Variants in LRP2 observed in about 807,000 individuals in gnomAD.
LRP2 encodes low-density lipoprotein receptor-related protein 2.
In LRP2, 172 loss-of-function variants were observed where a neutral mutation model predicts 531.0. The observed-to-expected ratio is 0.32, with a 90% CI of 0.29 to 0.37. The LOEUF is 0.37. Ranked by LOEUF, LRP2 falls within the 10% of genes least tolerant of loss-of-function variation. The pLI is 1.00. For missense variants in LRP2, 5,167 were observed against 5,868.3 expected, an observed-to-expected ratio of 0.88 and a Z score of 3.90; for synonymous variants, 1,992 against 2,027.6, an observed-to-expected ratio of 0.98 and a Z score of 0.47.
intron 36 of LRP2, among the ~76,000 whole-genome samples, 183 bp from the exon 37 acceptor site, chr2:169,212,390 G>A (rs918887965): frequency 1.3e-5 from 2 of 152,072 alleles, no homozygotes; most frequent in African/African-American, 4.8e-5. Flanking sequence ...ACACCTAAAG[G>A]TATGAAACCA....
At chr2:169,172,910 A>T (rs1274752619) in intron 57 of LRP2, among the ~76,000 whole-genome samples, 186 bp downstream of exon 57, 1 of 152,248 alleles carries the variant, frequency 6.6e-6, no homozygotes, top group Non-Finnish European at 1.5e-5. Context: ...CAAATTAAAT[A>T]CCCCTGGTAA....
In LRP2 at chr2:169,147,107, ATGGGGAGC is replaced by A; in HGVS notation, c.12591-156_12591-149del. The stretch of plus-strand genomic sequence containing the variant: ...ACACCAGTTTTATATTTTACAGAAG[ATGGGGAGC>A]AAAAATAGGGGCGCAAGAGCACATA... On this transcript the variant is annotated intron_variant, in intron 68 of 78. Coordinates refer to ENST00000649046, the MANE Select transcript of LRP2 (RefSeq NM_004525.3). 4 of 694,092 alleles carry A rather than the reference ATGGGGAGC, an allele frequency of 5.8e-6. No individual in the cohort carries two copies. In the Admixed American group the frequency reaches 6.7e-5, roughly 12 times the overall value. The allele number at this position is 694,092 out of a possible 1,614,324, so 43.0% of individuals were successfully genotyped here.
intron 38 of LRP2, among the ~76,000 whole-genome samples, chr2:169,207,481 T>A (rs1688438558): frequency 6.6e-6 from 1 of 152,244 alleles, no homozygotes; most frequent in Non-Finnish European, 1.5e-5. Flanking sequence ...CTTCAGCTTC[T>A]AAAGTAGATT....
chr2:169,160,196 T>C (rs1482950241), intron 63 of LRP2, among the ~76,000 whole-genome samples: 1 of 152,210 alleles, frequency 6.6e-6, no homozygotes, highest in Non-Finnish European at 1.5e-5. Flanking sequence ...CTTTCCTTTA[T>C]ACCTGAATGG....
chr2:169,275,070 T>G lies in LRP2; in HGVS notation c.1941A>C (p.Gly647=), dbSNP rs935959248. The G allele has an allele frequency of 6.2e-7, 1 of 1,613,480 alleles. No individual in the cohort carries two copies. Among genetic ancestry groups the G allele is most frequent in the Non-Finnish European group, 8.5e-7 (1 of 1,179,768 alleles). The change falls in exon 14 of 79, where the codon GGA becomes GGC. Residue 647 remains glycine, a synonymous_variant. Transcript: ENST00000649046. The part of the protein sequence containing the change: ...VYYQASLRPY[G]VTVYHSLRQP... ...GTCTGAGGGAATGGTAAACAGTCAC[T>G]CCATAGGGCCTCAGGGAAGCCTGGT...
At chr2:169,311,718 G>C (rs1025123346) in intron 3 of LRP2, among the ~76,000 whole-genome samples, 1 of 152,148 alleles carries the variant, frequency 6.6e-6, no homozygotes, top group Admixed American at 6.5e-5. Context: ...TATTAGGTCT[G>C]CTTGGTGCAG....
At chr2:169,352,100 G>A (rs1208804817) in intron 1 of LRP2, among the ~76,000 whole-genome samples, 1 of 152,140 alleles carries the variant, frequency 6.6e-6, no homozygotes, top group Non-Finnish European at 1.5e-5. Flanking sequence ...AGAAGCCAGT[G>A]GGCTGTGTCA....
chr2:169,256,132 T>C lies in LRP2; in HGVS notation c.2744A>G (p.His915Arg). 1 of 1,613,080 alleles carries C rather than the reference T, an allele frequency of 6.2e-7. No individual in the cohort carries two copies. Among genetic ancestry groups the C allele is most frequent in the Non-Finnish European group, 8.5e-7 (1 of 1,179,266 alleles). The change falls in exon 19 of 79, where the codon CAT becomes CGT. Residue 915 changes from histidine (H) to arginine (R), a missense_variant. Physicochemically the swap from His to Arg is conservative, Grantham distance 29 (BLOSUM62 0). This residue lies in a region of LRP2 where 2,811 missense variants were observed against 3,058.0 expected (regional missense o/e 0.92). Transcript: ENST00000649046. ...RRLGHIEQMT[H>R]PFGLAIFGEH... ...TCCAAAGATGGCAAGTCCAAACGGA[T>C]GTGTCATCTGCTCTATATGGCCCAG...
intron 76 of LRP2, among the ~76,000 whole-genome samples, chr2:169,136,385 G>T (rs1685510708): frequency 6.6e-6 from 1 of 151,346 alleles, no homozygotes. Context: ...AATATAAGAA[G>T]GCAGGAATGT....
chr2:169,228,018 G>T (rs922265209), intron 31 of LRP2, among the ~76,000 whole-genome samples: 2 of 152,084 alleles, frequency 1.3e-5, no homozygotes, highest in Non-Finnish European at 2.9e-5. Flanking sequence ...AACTGCAATT[G>T]CAATAAAAAT....
At chr2:169,308,049 A>G (rs1187978972) in intron 3 of LRP2, among the ~76,000 whole-genome samples, 1 of 152,146 alleles carries the variant, frequency 6.6e-6, no homozygotes, top group African/African-American at 2.4e-5. Context: ...TGTAAATCTG[A>G]GGCAGGAATT....
In LRP2 at chr2:169,175,933, C is replaced by T. The variant is rs549139057; in HGVS notation, c.10571+478G>A. Reference sequence around the variant, plus strand: ...TCAGGTCCCCTAGTTATCAATGGGCCTGTGGACATTGTTAAGAAAATAATC... The same window carrying T: ...TCAGGTCCCCTAGTTATCAATGGGCTTGTGGACATTGTTAAGAAAATAATC... On this transcript the variant is annotated intron_variant, in intron 54 of 78. Coordinates refer to ENST00000649046, the MANE Select transcript of LRP2 (RefSeq NM_004525.3). Among the ~76,000 whole-genome samples the T allele has an allele frequency of 9.2e-5, 14 of 152,262 alleles. 1 individual carries two copies. Among genetic ancestry groups the T allele is most frequent in the African/African-American group, 3.4e-4 (14 of 41,542 alleles).
intron 25 of LRP2, chr2:169,240,619 A>G (rs1324790624): frequency 2.4e-6 from 1 of 420,454 alleles, no homozygotes. Flanking sequence ...AAATCCCTGG[A>G]CTTCATTTTT....
At chr2:169,305,859 G>C (rs1294579899) in intron 4 of LRP2, among the ~76,000 whole-genome samples, 1 of 151,966 alleles carries the variant, frequency 6.6e-6, no homozygotes, top group Non-Finnish European at 1.5e-5. Flanking sequence ...ACTTAACATT[G>C]TGTTCCAATT....
intron 51 of LRP2, among the ~76,000 whole-genome samples, chr2:169,181,947 G>A (rs1687453236): frequency 6.6e-6 from 1 of 152,154 alleles, no homozygotes; most frequent in African/African-American, 2.4e-5. Context: ...CTTGAAAAGT[G>A]CAAAAGTGTG....
chr2:169,327,270 GTCAGCCCCCCGCCC>G (rs1685105874), intron 1 of LRP2, among the ~76,000 whole-genome samples: 1 of 109,722 alleles, frequency 9.1e-6, no homozygotes, highest in South Asian at 3.3e-4. Flanking sequence ...AGGTGGGGGG[GTCAGCCCCCCGCCC>G]GGCCAGCCGC....
intron 69 of LRP2, 34 bp from the exon 70 acceptor site, chr2:169,145,957 G>T (rs764040197): frequency 3.1e-6 from 5 of 1,608,556 alleles, no homozygotes; most frequent in Admixed American, 3.3e-5. Context: ...AAAACAGAAG[G>T]TTATTGAAAA....
intron 1 of LRP2, among the ~76,000 whole-genome samples, chr2:169,336,165 T>A (rs1293946357): frequency 6.6e-6 from 1 of 152,100 alleles, no homozygotes; most frequent in Non-Finnish European, 1.5e-5. Context: ...AAAGAAAAAC[T>A]TTATTATCTT....
intron 16 of LRP2, among the ~76,000 whole-genome samples, chr2:169,268,833 T>C (rs1683312299): frequency 6.6e-6 from 1 of 152,198 alleles, no homozygotes; most frequent in African/African-American, 2.4e-5. Flanking sequence ...GCAGATGATA[T>C]GACTGTATAT....
Sources: gnomAD v4.1 joint callset for allele counts (sites outside exome capture counted in the v4.1 genomes callset) on GRCh38, gnomAD v4.1.1 for gene constraint, gnomAD v4.1.1 regional missense constraint, MANE v1.5 for transcripts, NCBI Gene and HGNC (gene_info 2026-07-23, HGNC 2026-07-21) for gene names.